HMCN1: variants seen among roughly 807,000 people sequenced by gnomAD.
HMCN1 encodes the protein hemicentin 1.
HMCN1 carries 321 observed loss-of-function variants against 625.9 expected under a neutral mutation model. The ratio of observed to expected loss-of-function variants is 0.51; its 90% CI spans 0.47 to 0.56. The LOEUF (loss-of-function observed/expected upper bound fraction) is 0.56. Ranked by LOEUF, HMCN1 falls within the 20% of genes least tolerant of loss-of-function variation. The pLI is 0.00. For synonymous variants in HMCN1, 2,425 were observed against 2,417.6 expected, an observed-to-expected ratio of 1.00 and a Z score of -0.09; for missense variants, 6,588 against 6,887.3, an observed-to-expected ratio of 0.96 and a Z score of 1.54.
intron 2 of HMCN1, among the ~76,000 whole-genome samples, chr1:185,852,123 T>C (rs1260214623): frequency 6.6e-6 from 1 of 151,948 alleles, no homozygotes; most frequent in East Asian, 1.9e-4. Context: ...ATGTTTTCTA[T>C]AGAAGAACAG....
intron 41 of HMCN1, among the ~76,000 whole-genome samples, chr1:186,046,878 T>A (rs1656608841): frequency 6.6e-6 from 1 of 152,122 alleles, no homozygotes; most frequent in South Asian, 2.1e-4. Flanking sequence ...TTTATAACAC[T>A]CTCATAATAA....
chr1:186,074,649 T>C (rs748909945), intron 52 of HMCN1, 92 bp from the exon 53 acceptor site: 1 of 1,109,090 alleles, frequency 9.0e-7, no homozygotes, highest in Non-Finnish European at 1.3e-6. Flanking sequence ...TATTTTCATT[T>C]ATTTAAAAAA....
intron 4 of HMCN1, among the ~76,000 whole-genome samples, chr1:185,888,724 G>A: frequency 6.8e-6 from 1 of 146,804 alleles, no homozygotes; most frequent in Non-Finnish European, 1.5e-5. Flanking sequence ...TTGTAGTATA[G>A]TTTGAAGTCA....
chr1:185,754,179 A>G (rs1654991924), intron 1 of HMCN1, among the ~76,000 whole-genome samples: 1 of 152,202 alleles, frequency 6.6e-6, no homozygotes, highest in Admixed American at 6.5e-5. Flanking sequence ...GACAAATATG[A>G]CATGTTTTAA....
Position 185,984,152 on chromosome 1 carries a change from T to A in HMCN1, c.2791-17T>A, listed in dbSNP as rs763917581. The A allele has an allele frequency of 1.9e-6, 3 of 1,564,984 alleles. No individual in the cohort carries two copies. In the East Asian group the frequency reaches 6.8e-5, roughly 36 times the overall value. On this transcript the variant is annotated splice_polypyrimidine_tract_variant and intron_variant, in intron 18 of 106. Coordinates refer to ENST00000271588, the MANE Select transcript of HMCN1 (RefSeq NM_031935.3). ...CCTTTCTTTTTAAATAAAAATTACC[T>A]TTTTTTTTCCTTTAAGTTGCTCCAA...
chr1:185,989,825 T>C (rs1652297555), intron 21 of HMCN1, among the ~76,000 whole-genome samples, 178 bp downstream of exon 21: 1 of 149,916 alleles, frequency 6.7e-6, no homozygotes, highest in Non-Finnish European at 1.5e-5. Flanking sequence ...CCAACCAAAA[T>C]CACTTCTACT....
intron 36 of HMCN1, among the ~76,000 whole-genome samples, chr1:186,028,621 C>T (rs1655213705): frequency 6.6e-6 from 1 of 152,108 alleles, no homozygotes; most frequent in Admixed American, 6.6e-5. Context: ...TTGTCAAATA[C>T]CATGTACTAG....
chr1:185,982,421 T>A, intron 18 of HMCN1, 32 bp downstream of exon 18: 1 of 1,590,758 alleles, frequency 6.3e-7, no homozygotes, highest in Non-Finnish European at 8.6e-7. Context: ...GCATTCACAT[T>A]CTTTTGTGAG....
At chr1:185,923,683 T>TCCTC in intron 8 of HMCN1, 30 bp downstream of exon 8, 1 of 1,562,122 alleles carries the variant, frequency 6.4e-7, no homozygotes, top group Non-Finnish European at 8.7e-7. Context: ...AACATTGAAA[T>TCCTC]ATTGACAGTT....
rs1422774566 is a variant in HMCN1 at position 186,088,647 on chromosome 1, A to G, written c.9619A>G (p.Ser3207Gly). The G allele has an allele frequency of 6.2e-7, 1 of 1,612,030 alleles. No homozygotes were observed. The highest frequency in any genetic ancestry group is 8.5e-7 in the Non-Finnish European group (1 of 1,178,802). ...SLEVRILSGG[S>G]KLQIARSQHS... ...GGAAGTTCGTATTTTGTCTGGAGGTAGCAAACTCCAGATTGCCCGGTCTCA... is the reference window on the plus strand; with the variant it reads ...GGAAGTTCGTATTTTGTCTGGAGGTGGCAAACTCCAGATTGCCCGGTCTCA... Residue 3207 changes from serine (S) to glycine (G), a missense_variant, in exon 63 of 107, where the codon AGC (serine) becomes GGC (glycine). Around this residue, in one of 3 missense-constraint regions of HMCN1, gnomAD observed 4,628 missense variants for 4,853.1 expected, o/e 0.95. Coordinates refer to ENST00000271588, the MANE Select transcript of HMCN1 (RefSeq NM_031935.3).
intron 30 of HMCN1, among the ~76,000 whole-genome samples, chr1:186,014,737 G>C (rs188803930): frequency 6.6e-6 from 1 of 152,170 alleles, no homozygotes. Context: ...TGAATAGCTG[G>C]TTCTGAAAAC....
intron 69 of HMCN1, among the ~76,000 whole-genome samples, chr1:186,104,243 T>C (rs1660511356): frequency 6.6e-6 from 1 of 152,164 alleles, no homozygotes; most frequent in Non-Finnish European, 1.5e-5. Context: ...TTATTCTCCA[T>C]CTGAGCCCTA....
chr1:185,931,087 T>A (rs950167073), intron 10 of HMCN1, among the ~76,000 whole-genome samples: 6 of 152,274 alleles, frequency 3.9e-5, no homozygotes, highest in Middle Eastern at 3.4e-3. Context: ...CACCACCTTA[T>A]CATTTGATAG....
Position 186,129,190 on chromosome 1 carries a change from A to G in HMCN1, c.12905-776A>G, listed in dbSNP as rs550514588. 2.0e-3 allele frequency among the ~76,000 whole-genome samples: 247 copies of G among 121,846 alleles called. 2 individuals are homozygous for G. The highest frequency in any genetic ancestry group is 1.3e-3 in the Non-Finnish European group (82 of 63,152). The allele number at this position is 121,846 out of a possible 152,430, so 79.9% of individuals were successfully genotyped here. ...CTTAATTTTCCACTTAATATTCAGC[A>G]GTAAAAGATTTAAAAAAAAAAAACT... On this transcript the variant is annotated intron_variant, in intron 83 of 106. Coordinates refer to ENST00000271588, the MANE Select transcript of HMCN1 (RefSeq NM_031935.3).
At chr1:185,741,048 C>T (rs1306004566) in intron 1 of HMCN1, among the ~76,000 whole-genome samples, 3 of 151,968 alleles carry the variant, frequency 2.0e-5, no homozygotes, top group Admixed American at 6.6e-5. Context: ...AGTCTGGCTT[C>T]CTTGGTTTTT....
chr1:186,106,804 C>A, intron 69 of HMCN1, 80 bp from the exon 70 acceptor site: 3 of 1,012,742 alleles, frequency 3.0e-6, no homozygotes, highest in Non-Finnish European at 4.7e-6. Flanking sequence ...GGGTTATTTA[C>A]ATTCATTCTA....
intron 68 of HMCN1, among the ~76,000 whole-genome samples, chr1:186,102,990 AT>A (rs1660450895): frequency 6.6e-6 from 1 of 152,110 alleles, no homozygotes; most frequent in Non-Finnish European, 1.5e-5. Context: ...AAATGTAACT[AT>A]TTTTTCTTCT....
At chr1:186,014,028 CTT>C (rs1296172743) in intron 30 of HMCN1, among the ~76,000 whole-genome samples, 1 of 152,066 alleles carries the variant, frequency 6.6e-6, no homozygotes, top group Non-Finnish European at 1.5e-5. Context: ...AAAAGAGTAA[CTT>C]TACAGTGGAG....
At position 185,804,340 on chromosome 1, in the gene HMCN1, T is replaced by TGG. The variant is rs1351117944; in HGVS notation, c.269-41686_269-41685insGG. 6.1e-3 allele frequency among the ~76,000 whole-genome samples: 935 copies of TGG among 152,208 alleles called. 8 individuals are homozygous for TGG. The highest frequency in any genetic ancestry group is 0.021 in the African/African-American group (862 of 41,562). ...CACATTATAACTGCAGTCATCATGATTCTAGTGTTTGTTGAGTTGTGGTCT... is the reference window on the plus strand; with the variant it reads ...CACATTATAACTGCAGTCATCATGATGGTCTAGTGTTTGTTGAGTTGTGGTCT... On this transcript the variant is annotated intron_variant, in intron 1 of 106. Coordinates refer to ENST00000271588, the MANE Select transcript of HMCN1 (RefSeq NM_031935.3).
Sources: gnomAD v4.1 joint callset for allele counts (sites outside exome capture counted in the v4.1 genomes callset) on GRCh38, gnomAD v4.1.1 for gene constraint, gnomAD v4.1.1 regional missense constraint, MANE v1.5 for transcripts, NCBI Gene and HGNC (gene_info 2026-07-23, HGNC 2026-07-21) for gene names.